PPFIA2: variants seen among roughly 807,000 people sequenced by gnomAD.
The protein encoded by PPFIA2 is liprin-alpha-2.
A neutral mutation model predicts 175.5 loss-of-function variants in PPFIA2; 46 were observed. The observed-to-expected ratio is 0.26, with a 90% CI of 0.21 to 0.34. The LOEUF (loss-of-function observed/expected upper bound fraction) is 0.34, where lower values mean the gene tolerates loss of function less well. Among genes scored for constraint, PPFIA2 ranks in the 10% least tolerant of loss-of-function variants. PPFIA2 has a pLI of 1.00. For synonymous variants in PPFIA2, 568 were observed against 511.4 expected, an observed-to-expected ratio of 1.11 and a Z score of -1.49; for missense variants, 1,179 against 1,506.1, an observed-to-expected ratio of 0.78 and a Z score of 3.60.
At chr12:81,525,650 A>G (rs2063649118) in intron 4 of PPFIA2, among the ~76,000 whole-genome samples, 1 of 152,116 alleles carries the variant, frequency 6.6e-6, no homozygotes, top group Admixed American at 6.6e-5. Context: ...GAACCAAGGA[A>G]ACTGTGATAA....
At chr12:81,601,908 C>T (rs1292269061) in intron 4 of PPFIA2, among the ~76,000 whole-genome samples, 2 of 151,728 alleles carry the variant, frequency 1.3e-5, no homozygotes, top group Non-Finnish European at 2.9e-5. Context: ...ATTTAATGCC[C>T]ATCTTCTATT....
chr12:81,425,555 A>G (rs1392926465), intron 7 of PPFIA2, among the ~76,000 whole-genome samples: 1 of 152,092 alleles, frequency 6.6e-6, no homozygotes, highest in Non-Finnish European at 1.5e-5. Flanking sequence ...TTTAGTAGAG[A>G]GGGGGTTTCA....
rs2141241975 is a variant in PPFIA2 at position 81,362,803 on chromosome 12, G to T, written c.1546-19C>A. On this transcript the variant is annotated intron_variant, in intron 14 of 32. Transcript: ENST00000549396. ...ATCTTTCCTAAAAAATCAAAACAGT[G>T]TTACTCAGATGCCAGTAATATCAGC... 6.8e-7 allele frequency: 1 copy of T among 1,468,498 alleles called. No homozygotes were observed. Among genetic ancestry groups the T allele is most frequent in the East Asian group, 2.5e-5 (1 of 40,264 alleles). The allele number at this position is 1,468,498 out of a possible 1,614,324, so 91.0% of individuals were successfully genotyped here. A position where few individuals can be genotyped will look rare whatever the true frequency, so the allele number is the denominator to read the frequency against.
intron 28 of PPFIA2, among the ~76,000 whole-genome samples, chr12:81,272,179 G>A (rs2039310433): frequency 6.6e-6 from 1 of 152,056 alleles, no homozygotes. Flanking sequence ...TAGCTCTATT[G>A]TAATGTGTTT....
chr12:81,427,541 G>C (rs745476717), intron 7 of PPFIA2, among the ~76,000 whole-genome samples: 3 of 151,906 alleles, frequency 2.0e-5, no homozygotes, highest in African/African-American at 4.8e-5. Context: ...AATGCATATA[G>C]TGCTACAGAA....
intron 9 of PPFIA2, among the ~76,000 whole-genome samples, chr12:81,380,668 C>T (rs893923253): frequency 3.9e-5 from 6 of 152,104 alleles, no homozygotes; most frequent in African/African-American, 1.4e-4. Context: ...GGAAGAAGCA[C>T]AGGTTTTGAA....
intron 4 of PPFIA2, among the ~76,000 whole-genome samples, chr12:81,566,530 C>CAAAAAA (rs3075452): frequency 7.8e-3 from 533 of 68,008 alleles, no homozygotes; most frequent in Non-Finnish European, 0.01. Flanking sequence ...GACTCCAACT[C>CAAAAAA]AAAAAAAAAA....
intron 23 of PPFIA2, chr12:81,296,680 G>T (rs1199810192): frequency 1.3e-5 from 2 of 152,060 alleles, no homozygotes; most frequent in African/African-American, 4.8e-5. Flanking sequence ...GTGAGACAAA[G>T]AAGAAAAACT....
chr12:81,364,206 G>C (rs201838063), intron 14 of PPFIA2, among the ~76,000 whole-genome samples: 1 of 151,764 alleles, frequency 6.6e-6, no homozygotes, highest in East Asian at 1.9e-4. Flanking sequence ...AGAGGGTAAG[G>C]AGTCCAGTGT....
intron 22 of PPFIA2, among the ~76,000 whole-genome samples, chr12:81,309,192 A>T (rs2050091809): frequency 6.6e-6 from 1 of 152,124 alleles, no homozygotes; most frequent in South Asian, 2.1e-4. Flanking sequence ...TAACCTCCTC[A>T]AATTTCAACC....
intron 4 of PPFIA2, among the ~76,000 whole-genome samples, chr12:81,485,658 T>C (rs902375788): frequency 2.6e-5 from 4 of 151,916 alleles, no homozygotes; most frequent in Admixed American, 6.6e-5. Context: ...TTAATAAAGG[T>C]ATTTCAAATT....
chr12:81,735,276 G>T lies in PPFIA2; in HGVS notation c.249+18697C>A, dbSNP rs950873066. Among the ~76,000 whole-genome samples, 3 of 151,732 alleles carry T rather than the reference G, an allele frequency of 2.0e-5. No individual in the cohort carries two copies. In the East Asian group the frequency reaches 5.8e-4, roughly 30 times the overall value. ...TTCACCACAATGTCTCTAATTCTGG[G>T]TATTATCTTTTGATTATAAAAATTC... On this transcript the variant is annotated intron_variant, in intron 3 of 32. Coordinates refer to ENST00000549396, the MANE Select transcript of PPFIA2 (RefSeq NM_003625.5).
intron 22 of PPFIA2, among the ~76,000 whole-genome samples, chr12:81,322,220 C>G (rs1235717839): frequency 6.6e-6 from 1 of 151,954 alleles, no homozygotes; most frequent in East Asian, 1.9e-4. Context: ...ATGGGAAATA[C>G]GTTCTTAAAT....
intron 8 of PPFIA2, among the ~76,000 whole-genome samples, chr12:81,401,965 A>G (rs2042162955): frequency 6.6e-6 from 1 of 152,072 alleles, no homozygotes; most frequent in Non-Finnish European, 1.5e-5. Context: ...TTTTTCTTTT[A>G]AAAAGGCTGA....
chr12:81,527,067 A>T (rs1424751864), intron 4 of PPFIA2, among the ~76,000 whole-genome samples: 1 of 152,138 alleles, frequency 6.6e-6, no homozygotes, highest in Non-Finnish European at 1.5e-5. Context: ...AATTTTGCAA[A>T]ATCCATGCCA....
At chr12:81,733,563 C>T (rs1325060084) in intron 3 of PPFIA2, among the ~76,000 whole-genome samples, 1 of 151,580 alleles carries the variant, frequency 6.6e-6, no homozygotes, top group African/African-American at 2.4e-5. Flanking sequence ...GAATAGGAAA[C>T]ATACTTTTCT....
At chr12:81,439,161 C>T (rs1338768395) in intron 7 of PPFIA2, among the ~76,000 whole-genome samples, 1 of 150,406 alleles carries the variant, frequency 6.6e-6, no homozygotes, top group Admixed American at 6.6e-5. Flanking sequence ...CTCTCTCTCT[C>T]TCTCCCTCTC....
intron 3 of PPFIA2, among the ~76,000 whole-genome samples, chr12:81,677,986 C>A (rs2072886321): frequency 6.6e-6 from 1 of 151,818 alleles, no homozygotes; most frequent in African/African-American, 2.4e-5. Context: ...GTGTTTGCAA[C>A]TGATTTAAGT....
chr12:81,477,185 A>T (rs7980457), intron 4 of PPFIA2, among the ~76,000 whole-genome samples: 45,597 of 151,624 alleles, frequency 0.3, 7,530 homozygotes, highest in African/African-American at 0.43. Context: ...AAACGTGCAC[A>T]TACTGTACAT....
Sources: allele counts gnomAD v4.1 joint callset (sites outside exome capture counted in the v4.1 genomes callset), GRCh38; gene constraint gnomAD v4.1.1; transcripts MANE v1.5; gene names NCBI Gene and HGNC (gene_info 2026-07-23, HGNC 2026-07-21).